Variants in DDHD1 observed in about 807,000 individuals in gnomAD.
DDHD1 encodes phospholipase DDHD1.
In DDHD1, 49 loss-of-function variants were observed where a neutral mutation model predicts 96.4. The ratio of observed to expected loss-of-function variants is 0.51; its 90% CI spans 0.40 to 0.64. The LOEUF (loss-of-function observed/expected upper bound fraction) is 0.64. DDHD1 is among the 30% of genes least tolerant of loss of function. The pLI is 0.00. For synonymous variants in DDHD1, 442 were observed against 446.5 expected, an observed-to-expected ratio of 0.99 and a Z score of 0.13; for missense variants, 1,106 against 1,161.2, an observed-to-expected ratio of 0.95 and a Z score of 0.69.
At chr14:53,074,895 T>C (rs1473765105) in intron 4 of DDHD1, among the ~76,000 whole-genome samples, 5 of 152,156 alleles carry the variant, frequency 3.3e-5, no homozygotes, top group African/African-American at 1.2e-4. Flanking sequence ...CTGTGTCACA[T>C]TTTGTAATCC....
At chr14:53,056,514 C>G (rs1883069402) in intron 9 of DDHD1, among the ~76,000 whole-genome samples, 1 of 152,094 alleles carries the variant, frequency 6.6e-6, no homozygotes, top group Non-Finnish European at 1.5e-5. Context: ...CCAGGCTGGT[C>G]TCAAACTCCT....
At chr14:53,078,294 C>G (rs1411149086) in intron 4 of DDHD1, among the ~76,000 whole-genome samples, 2 of 152,106 alleles carry the variant, frequency 1.3e-5, no homozygotes, top group African/African-American at 2.4e-5. Context: ...TAATTTCCAT[C>G]TTTTTGATAA....
rs141738178 is a variant in DDHD1, at chr14:53,133,923, G to A, written c.838+18338C>T. On this transcript the variant is annotated intron_variant, in intron 1 of 12. Coordinates refer to ENST00000673822, the MANE Select transcript of DDHD1 (RefSeq NM_001160148.2). ...AGTCATCTATAGTACCCCAACTGCC[G>A]TCCGCCTACAGGACCCTCCCCATTG... 3.4e-3 allele frequency among the ~76,000 whole-genome samples: 510 copies of A among 152,140 alleles called. 2 individuals carry two copies. The highest frequency in any genetic ancestry group is 0.011 in the African/African-American group (466 of 41,492).
intron 2 of DDHD1, chr14:53,103,278 T>A (rs1887445578): frequency 2.5e-6 from 1 of 396,538 alleles, no homozygotes; most frequent in African/African-American, 2.1e-5. Context: ...TACACAAAGA[T>A]AATTAAAGAT....
At chr14:53,054,726 CA>C (rs1882892216) in intron 10 of DDHD1, 97 bp from the exon 11 acceptor site, 2 of 1,171,954 alleles carry the variant, frequency 1.7e-6, no homozygotes, top group South Asian at 1.6e-5. Flanking sequence ...GCAGAGGGAC[CA>C]AACCCTAGTC....
chr14:53,097,268 T>G (rs2139696223), intron 2 of DDHD1, among the ~76,000 whole-genome samples: 1 of 152,170 alleles, frequency 6.6e-6, no homozygotes, highest in Middle Eastern at 3.4e-3. Context: ...ATCTGTTGAA[T>G]ATGCAGATGT....
At chr14:53,106,295 A>G (rs1213972737) in intron 1 of DDHD1, among the ~76,000 whole-genome samples, 1 of 152,206 alleles carries the variant, frequency 6.6e-6, no homozygotes, top group Admixed American at 6.5e-5. Context: ...TACTCTAAAG[A>G]CAGGTTGGCT....
intron 4 of DDHD1, 60 bp downstream of exon 4, chr14:53,091,725 A>AC: frequency 6.5e-7 from 1 of 1,547,850 alleles, no homozygotes; most frequent in Non-Finnish European, 8.8e-7. Context: ...TATCTCTTAT[A>AC]CCCTGGATCA....
At chr14:53,119,262 G>A (rs1276568967) in intron 1 of DDHD1, among the ~76,000 whole-genome samples, 2 of 152,054 alleles carry the variant, frequency 1.3e-5, no homozygotes, top group African/African-American at 4.8e-5. Context: ...CAATTAATGG[G>A]CAAAATAACT....
chr14:53,055,920 T>TA lies in DDHD1; in HGVS notation c.1993-9dup, dbSNP rs755741246. 5.8e-3 allele frequency: 7,431 copies of TA among 1,289,200 alleles called. 3 individuals carry two copies. The highest frequency in any genetic ancestry group is 8.3e-3 in the South Asian group (549 of 65,930). The allele number at this position is 1,289,200 out of a possible 1,614,324, so 79.9% of individuals were successfully genotyped here. A position where few individuals can be genotyped will look rare whatever the true frequency, so the allele number is the denominator to read the frequency against. On this transcript the variant is annotated splice_polypyrimidine_tract_variant and intron_variant, in intron 9 of 12. Coordinates refer to ENST00000673822, the MANE Select transcript of DDHD1 (RefSeq NM_001160148.2). Reference sequence around the variant, plus strand: ...TGGTTCTAATCTATAAGCCTTGATTTAAAAAAAAAAATTCAAAGAAACACA... The same window carrying TA: ...TGGTTCTAATCTATAAGCCTTGATTTAAAAAAAAAAAATTCAAAGAAACACA...
intron 8 of DDHD1, 150 bp from the exon 9 acceptor site, chr14:53,058,776 G>A (rs1472793056): frequency 3.2e-6 from 2 of 628,352 alleles, no homozygotes. Flanking sequence ...GATGGGCTCT[G>A]CCAACCATTA....
chr14:53,136,737 T>C (rs1250976762), intron 1 of DDHD1, among the ~76,000 whole-genome samples: 3 of 152,180 alleles, frequency 2.0e-5, no homozygotes, highest in Non-Finnish European at 2.9e-5. Flanking sequence ...GTAGTGGAGA[T>C]AAATTATCCC....
intron 2 of DDHD1, 119 bp from the exon 3 acceptor site, chr14:53,093,563 T>C (rs531289948): frequency 7.6e-7 from 1 of 1,311,642 alleles, no homozygotes; most frequent in Non-Finnish European, 1.0e-6. Flanking sequence ...GATATGGAAC[T>C]TAATTCAATA....
intron 2 of DDHD1, among the ~76,000 whole-genome samples, chr14:53,098,754 T>C (rs1354617515): frequency 3.3e-5 from 5 of 152,092 alleles, no homozygotes; most frequent in African/African-American, 7.2e-5. Context: ...GCTACAGTGA[T>C]AGGAATACAC....
chr14:53,139,290 A>T (rs941026128), intron 1 of DDHD1, among the ~76,000 whole-genome samples: 4 of 152,098 alleles, frequency 2.6e-5, no homozygotes, highest in African/African-American at 9.7e-5. Context: ...ACTCTCGCCC[A>T]CACCATCATC....
At chr14:53,127,274 C>G (rs932766218) in intron 1 of DDHD1, among the ~76,000 whole-genome samples, 3 of 152,130 alleles carry the variant, frequency 2.0e-5, no homozygotes, top group Admixed American at 2.0e-4. Flanking sequence ...CTGCTCAAAT[C>G]GTGTAAACAG....
Position 53,043,209 on chromosome 14 carries a change from C to G in DDHD1, c.*3559G>C, listed in dbSNP as rs1341014721. On this transcript the variant is annotated 3_prime_UTR_variant, in exon 13 of 13. Transcript: ENST00000673822. ...GATGCTTCAGCTCCCAATGAGAAAACAGAGAAAAAAGAGACTAAGGATGAA... is the reference window on the plus strand; with the variant it reads ...GATGCTTCAGCTCCCAATGAGAAAAGAGAGAAAAAAGAGACTAAGGATGAA... The G allele has an allele frequency of 6.6e-6, 1 of 152,032 alleles. No homozygotes were observed. Among genetic ancestry groups the G allele is most frequent in the Admixed American group, 6.6e-5 (1 of 15,266 alleles). The allele number at this position is 152,032 out of a possible 1,614,324, so 9.4% of individuals were successfully genotyped here. A position where few individuals can be genotyped will look rare whatever the true frequency, so the allele number is the denominator to read the frequency against.
chr14:53,149,803 A>G (rs1328638209), intron 1 of DDHD1: 1 of 152,208 alleles, frequency 6.6e-6, no homozygotes. Context: ...TAACTTCTGT[A>G]GGCTCCCACC....
chr14:53,051,882 A>G lies in DDHD1; in HGVS notation c.2483T>C (p.Phe828Ser). 1 of 1,600,460 alleles carries G rather than the reference A, an allele frequency of 6.2e-7. No homozygotes were observed. Among genetic ancestry groups the G allele is most frequent in the Non-Finnish European group, 8.5e-7 (1 of 1,172,854 alleles). The part of the protein sequence containing the change: ...ESFFNLPQLL[F>S]PENVMQNKDN... ...TTTATTCTGCATTACATTTTCCGGA[A>G]AAAGAAGTTGTGGGAGATTAAAGAA... Residue 828 changes from phenylalanine to serine, a missense_variant, in exon 12 of 13, where the codon TTT becomes TCT. Transcript: ENST00000673822.
Sources: allele counts gnomAD v4.1 joint callset (sites outside exome capture counted in the v4.1 genomes callset), GRCh38; gene constraint gnomAD v4.1.1; transcripts MANE v1.5; gene names NCBI Gene and HGNC (gene_info 2026-07-23, HGNC 2026-07-21).